QRSL1: variants seen among roughly 807,000 people sequenced by gnomAD.
QRSL1 encodes glutamyl-tRNA(Gln) amidotransferase subunit A, mitochondrial.
In QRSL1, 54 loss-of-function variants were observed where a neutral mutation model predicts 61.6. That is an observed-to-expected ratio of 0.88 (90% CI 0.70 to 1.10). The LOEUF (loss-of-function observed/expected upper bound fraction) is 1.10. Ranked by LOEUF, QRSL1 falls within the 50% of genes least tolerant of loss-of-function variation. QRSL1 has a pLI of 0.00. For missense variants in QRSL1, 505 were observed against 622.6 expected, an observed-to-expected ratio of 0.81 and a Z score of 2.01; for synonymous variants, 228 against 225.7, an observed-to-expected ratio of 1.01 and a Z score of -0.09.
intron 9 of QRSL1, among the ~76,000 whole-genome samples, chr6:106,660,590 A>G (rs1169406366): frequency 1.3e-5 from 2 of 151,670 alleles, no homozygotes; most frequent in Admixed American, 6.6e-5. Flanking sequence ...TTAAGAAGGC[A>G]GAGTGTCTTA....
intron 1 of QRSL1, among the ~76,000 whole-genome samples, chr6:106,638,555 C>T (rs1395030821): frequency 6.6e-6 from 1 of 152,198 alleles, no homozygotes; most frequent in Non-Finnish European, 1.5e-5. Context: ...CTGTCCATCT[C>T]GGCCTCCCAA....
chr6:106,641,872 G>A (rs1366469946), intron 3 of QRSL1, among the ~76,000 whole-genome samples: 3 of 152,164 alleles, frequency 2.0e-5, no homozygotes, highest in African/African-American at 7.2e-5. Context: ...GAACTAACTG[G>A]TAAAGTCAGT....
rs1239141387 is a variant in QRSL1, at chr6:106,666,794, TG to T, written c.*794del. ...GCTTCTGAGCGCTGAGCAGAGCAGG[TG>T]GAAGAGGAACTTTGAGCACAGGAGG... On this transcript the variant is annotated 3_prime_UTR_variant, in exon 11 of 11. Transcript: ENST00000369046. 18 of 152,304 alleles carry T rather than the reference TG, an allele frequency of 1.2e-4. No homozygotes were observed. In the East Asian group the frequency reaches 3.5e-3, roughly 29 times the overall value. 9.4% of individuals were successfully genotyped at this position (152,304 alleles called of 1,614,324 possible).
intron 3 of QRSL1, chr6:106,642,566 G>A: frequency 1.4e-6 from 1 of 735,352 alleles, no homozygotes; most frequent in South Asian, 1.4e-5. Context: ...TAAGAAAGGT[G>A]ATGTGGACAT....
chr6:106,651,144 A>C (rs1372672907), intron 5 of QRSL1, among the ~76,000 whole-genome samples: 1 of 152,088 alleles, frequency 6.6e-6, no homozygotes, highest in Admixed American at 6.6e-5. Flanking sequence ...TAGTTATCTC[A>C]TGTACGTGGT....
chr6:106,658,043 G>C lies in QRSL1; in HGVS notation c.1160+2311G>C, dbSNP rs201487485. ...TTAATTGACATAAATATTTACTTAT[G>C]TAACACATTTATATCTACCTTTTGC... On this transcript the variant is annotated intron_variant, in intron 9 of 10. Coordinates refer to ENST00000369046, the MANE Select transcript of QRSL1 (RefSeq NM_018292.5). 8.5e-5 allele frequency among the ~76,000 whole-genome samples: 13 copies of C among 152,198 alleles called. No individual in the cohort carries two copies. In the East Asian group the frequency reaches 2.1e-3, roughly 25 times the overall value.
At chr6:106,642,949 A>C (rs1777045712) in intron 3 of QRSL1, 45 bp from the exon 4 acceptor site, 1 of 1,301,394 alleles carries the variant, frequency 7.7e-7, no homozygotes. Flanking sequence ...CAAATAAAAG[A>C]CTTCTGGACT....
At chr6:106,658,068 C>G (rs931499533) in intron 9 of QRSL1, among the ~76,000 whole-genome samples, 3 of 152,068 alleles carry the variant, frequency 2.0e-5, no homozygotes, top group African/African-American at 4.8e-5. Flanking sequence ...CTACCTTTTG[C>G]TATTTATCTT....
intron 9 of QRSL1, 89 bp from the exon 10 acceptor site, chr6:106,662,891 A>G (rs755305289): frequency 1.6e-5 from 19 of 1,155,018 alleles, no homozygotes; most frequent in Middle Eastern, 2.9e-4. Flanking sequence ...TGGAAATCCA[A>G]TGGTTCTTTA....
chr6:106,657,209 C>T (rs1267706846), intron 9 of QRSL1, among the ~76,000 whole-genome samples: 4 of 151,548 alleles, frequency 2.6e-5, no homozygotes, highest in Non-Finnish European at 4.4e-5. Context: ...GCAGAGGTTG[C>T]AGTGAGCCAA....
chr6:106,630,518 T>C (rs941789541), intron 1 of QRSL1, among the ~76,000 whole-genome samples: 3 of 152,250 alleles, frequency 2.0e-5, no homozygotes, highest in Non-Finnish European at 4.4e-5. Flanking sequence ...TCTGCTGTTA[T>C]AGCTTTAATT....
At position 106,649,143 on chromosome 6, in the gene QRSL1, A is replaced by G; in HGVS notation, c.499A>G (p.Ile167Val). The G allele has an allele frequency of 1.2e-6, 2 of 1,614,202 alleles. No individual in the cohort carries two copies. Among genetic ancestry groups the G allele is most frequent in the Non-Finnish European group, 1.7e-6 (2 of 1,180,024 alleles). ...CGAGAATGAAGATTCAGACTGGCTG[A>G]TAACTGGAGGAAGCTCAGGTGGGAG... ...HSENEDSDWL[I>V]TGGSSGGSAA... The change falls in exon 5 of 11, where the codon ATA becomes GTA. Residue 167 changes from isoleucine to valine, a missense_variant. Physicochemically the swap from Ile to Val is conservative, Grantham distance 29. Coordinates refer to ENST00000369046, the MANE Select transcript of QRSL1 (RefSeq NM_018292.5).
Position 106,655,603 on chromosome 6 carries a change from TC to T in QRSL1, c.1043-11del. 1 of 1,570,318 alleles carries T rather than the reference TC, an allele frequency of 6.4e-7. No homozygotes were observed. Among genetic ancestry groups the T allele is most frequent in the Non-Finnish European group, 8.8e-7 (1 of 1,142,016 alleles). On this transcript the variant is annotated splice_polypyrimidine_tract_variant and intron_variant, in intron 8 of 10. Transcript: ENST00000369046. ...TCCTTTCAAGTAATGTTTACCCTTT[TC>T]TTGTTTTCAGGTCACAGATGTGACA...
Position 106,640,504 on chromosome 6 carries a change from G to A in QRSL1, c.180G>A (p.Lys60=), listed in dbSNP as rs775437415. Residue 60 remains lysine, a synonymous_variant, in exon 2 of 11, where the codon AAG becomes AAA. Transcript: ENST00000369046. ...KQAEESEKRY[K]NGQSLGDLDG... is the part of the protein sequence containing the mutation. ...CTGAAGAATCAGAAAAGAGATATAAGAATGGTAAATTGCTTTTAACTATAC... is the reference window on the plus strand; with the variant it reads ...CTGAAGAATCAGAAAAGAGATATAAAAATGGTAAATTGCTTTTAACTATAC... 10 of 1,566,280 alleles carry A rather than the reference G, an allele frequency of 6.4e-6. No homozygotes were observed. Among genetic ancestry groups the A allele is most frequent in the African/African-American group, 1.4e-5 (1 of 72,424 alleles).
chr6:106,662,960 C>A lies in QRSL1; in HGVS notation c.1161-20C>A, dbSNP rs779661201. 2 of 1,551,170 alleles carry A rather than the reference C, an allele frequency of 1.3e-6. No individual in the cohort carries two copies. Among genetic ancestry groups the A allele is most frequent in the Non-Finnish European group, 1.8e-6 (2 of 1,124,402 alleles). On this transcript the variant is annotated intron_variant, in intron 9 of 10. Coordinates refer to ENST00000369046, the MANE Select transcript of QRSL1 (RefSeq NM_018292.5). ...AAATACAAAAAATCCTTAAAAACAT[C>A]ACCTACTTTTTTCCCACAGAAACTA...
Position 106,652,451 on chromosome 6 carries a change from G to T in QRSL1, c.734-16G>T. On this transcript the variant is annotated splice_polypyrimidine_tract_variant and intron_variant, in intron 6 of 10. Coordinates refer to ENST00000369046, the MANE Select transcript of QRSL1 (RefSeq NM_018292.5). ...AAAACAATATATCTGTCATTCATAA[G>T]TATTGCTCCTTACAGGTGCACTGGC... is the stretch of plus-strand genomic sequence containing the variant. 6.2e-7 allele frequency: 1 copy of T among 1,613,716 alleles called. No homozygotes were observed. Among genetic ancestry groups the T allele is most frequent in the Non-Finnish European group, 8.5e-7 (1 of 1,179,652 alleles).
chr6:106,663,307 T>G, intron 10 of QRSL1, 122 bp downstream of exon 10: 1 of 824,332 alleles, frequency 1.2e-6, no homozygotes, highest in East Asian at 2.6e-5. Flanking sequence ...TTGGAATGCT[T>G]AGGAGTGAGT....
At position 106,640,386 on chromosome 6, in the gene QRSL1, C is replaced by T. The variant is rs1776999078; in HGVS notation, c.62C>T (p.Thr21Ile). 3 of 1,612,786 alleles carry T rather than the reference C, an allele frequency of 1.9e-6. No individual in the cohort carries two copies. Among genetic ancestry groups the T allele is most frequent in the East Asian group, 2.2e-5 (1 of 44,822 alleles). ...AALKQGQITP[T>I]ELCQKCLSLI... Reference sequence around the variant, plus strand: ...CTGAAACAAGGCCAAATTACACCAACAGAGCTCTGTCAAAAATGTCTCTCT... The same window carrying T: ...CTGAAACAAGGCCAAATTACACCAATAGAGCTCTGTCAAAAATGTCTCTCT... The change falls in exon 2 of 11, where the codon ACA (threonine) becomes ATA (isoleucine). Residue 21 changes from threonine (T) to isoleucine (I), a missense_variant. By Grantham distance (89) the Thr-to-Ile change is moderately conservative. Transcript: ENST00000369046.
chr6:106,665,767 T>C lies in QRSL1; in HGVS notation c.1367-15T>C. On this transcript the variant is annotated splice_polypyrimidine_tract_variant and intron_variant, in intron 10 of 10. Coordinates refer to ENST00000369046, the MANE Select transcript of QRSL1 (RefSeq NM_018292.5). ...TGGAGAATTAATCACCTACTGGGTT[T>C]CCTTCTTTTCCCAGGATTGCCAGCA... 6.2e-7 allele frequency: 1 copy of C among 1,611,018 alleles called. No individual in the cohort carries two copies. Among genetic ancestry groups the C allele is most frequent in the Non-Finnish European group, 8.5e-7 (1 of 1,177,222 alleles).
Sources: gnomAD v4.1 joint callset for allele counts (sites outside exome capture counted in the v4.1 genomes callset) on GRCh38, gnomAD v4.1.1 for gene constraint, MANE v1.5 for transcripts, NCBI Gene and HGNC (gene_info 2026-07-23, HGNC 2026-07-21) for gene names.